Variants in TMEM108 observed in about 807,000 individuals in gnomAD.
TMEM108 encodes cancer/testis antigen 124.
TMEM108 carries 12 observed loss-of-function variants against 35.1 expected under a neutral mutation model. The observed-to-expected ratio is 0.34, with a 90% CI of 0.22 to 0.55. The LOEUF (loss-of-function observed/expected upper bound fraction) is 0.55. Among genes scored for constraint, TMEM108 ranks in the 20% least tolerant of loss-of-function variants. The pLI is 0.89. For missense variants in TMEM108, 680 were observed against 753.3 expected, an observed-to-expected ratio of 0.90 and a Z score of 1.14; for synonymous variants, 287 against 308.6, an observed-to-expected ratio of 0.93 and a Z score of 0.73.
chr3:133,224,490 A>G (rs917493867), intron 2 of TMEM108, among the ~76,000 whole-genome samples: 1 of 152,138 alleles, frequency 6.6e-6, no homozygotes, highest in Non-Finnish European at 1.5e-5. Flanking sequence ...TATAATTCCC[A>G]CATGTTGTGG....
chr3:133,230,042 T>C (rs1004903186), intron 3 of TMEM108, among the ~76,000 whole-genome samples: 9 of 152,206 alleles, frequency 5.9e-5, no homozygotes, highest in Admixed American at 3.3e-4. Flanking sequence ...ATTGGTGGGT[T>C]TGATGTTCCA....
chr3:133,268,089 G>A (rs1946723400), intron 3 of TMEM108, among the ~76,000 whole-genome samples: 1 of 152,216 alleles, frequency 6.6e-6, no homozygotes, highest in African/African-American at 2.4e-5. Flanking sequence ...CATCCTGAAG[G>A]AGCCCAAAGA....
chr3:133,255,651 A>G (rs1356264779), intron 3 of TMEM108, among the ~76,000 whole-genome samples: 2 of 152,176 alleles, frequency 1.3e-5, no homozygotes, highest in Admixed American at 6.5e-5. Flanking sequence ...TCTAGAATGT[A>G]TGAAAGATAT....
At chr3:133,243,179 A>G (rs1418956401) in intron 3 of TMEM108, among the ~76,000 whole-genome samples, 1 of 152,084 alleles carries the variant, frequency 6.6e-6, no homozygotes, top group South Asian at 2.1e-4. Flanking sequence ...GGAGGTCACT[A>G]TGAGGTAGGG....
chr3:133,096,641 G>C (rs537625207), intron 2 of TMEM108, among the ~76,000 whole-genome samples: 1 of 152,110 alleles, frequency 6.6e-6, no homozygotes, highest in African/African-American at 2.4e-5. Context: ...CCTATAATAT[G>C]TATTAAAATA....
intron 2 of TMEM108, among the ~76,000 whole-genome samples, chr3:133,176,745 A>G (rs1184319471): frequency 3.3e-5 from 5 of 152,246 alleles, no homozygotes. Context: ...CCAACATCAC[A>G]ATTAAAAGAA....
intron 2 of TMEM108, among the ~76,000 whole-genome samples, chr3:133,109,370 G>A (rs1944198596): frequency 6.6e-6 from 1 of 152,110 alleles, no homozygotes; most frequent in African/African-American, 2.4e-5. Flanking sequence ...GCTCACGCCT[G>A]TAATCCCAGC....
At chr3:133,064,510 A>T (rs1230966953) in intron 2 of TMEM108, among the ~76,000 whole-genome samples, 3 of 152,170 alleles carry the variant, frequency 2.0e-5, no homozygotes, top group African/African-American at 7.2e-5. Context: ...TTTTATTTCT[A>T]ATTCCCCTTT....
chr3:133,395,351 TTAGA>T (rs1289325491), intron 5 of TMEM108, among the ~76,000 whole-genome samples: 1 of 152,162 alleles, frequency 6.6e-6, no homozygotes, highest in Non-Finnish European at 1.5e-5. Flanking sequence ...GACAGGTCTG[TTAGA>T]TCCTGACAGG....
chr3:133,149,862 G>T (rs1485796984), intron 2 of TMEM108, among the ~76,000 whole-genome samples: 1 of 151,924 alleles, frequency 6.6e-6, no homozygotes, highest in African/African-American at 2.4e-5. Context: ...TATACATAAA[G>T]GAATGCTATT....
At chr3:133,115,543 A>G (rs1944277945) in intron 2 of TMEM108, among the ~76,000 whole-genome samples, 1 of 152,266 alleles carries the variant, frequency 6.6e-6, no homozygotes, top group African/African-American at 2.4e-5. Context: ...AAACCAGGTT[A>G]TCTACTTCCA....
intron 3 of TMEM108, among the ~76,000 whole-genome samples, chr3:133,296,199 T>A (rs1357347352): frequency 1.3e-5 from 2 of 152,202 alleles, no homozygotes; most frequent in African/African-American, 4.8e-5. Flanking sequence ...CTAAAGAATT[T>A]TCCTATATAT....
At chr3:133,385,406 C>T (rs562267283) in intron 4 of TMEM108, among the ~76,000 whole-genome samples, 1 of 152,314 alleles carries the variant, frequency 6.6e-6, no homozygotes, top group East Asian at 1.9e-4. Context: ...ATGGCTTCTC[C>T]CCAAGAGGGC....
rs143708939 is a variant in TMEM108, at chr3:133,139,640, C to G, written c.-46-89626C>G. Among the ~76,000 whole-genome samples the G allele has an allele frequency of 1.4e-3, 217 of 152,280 alleles. 1 individual carries two copies. Among genetic ancestry groups the G allele is most frequent in the African/African-American group, 4.6e-3 (193 of 41,540 alleles). On this transcript the variant is annotated intron_variant, in intron 2 of 5. Coordinates refer to ENST00000321871, the MANE Select transcript of TMEM108 (RefSeq NM_023943.4). ...CGCACAGCTTTAAGCATTTGCCCAG[C>G]CTTGTATACCTTTAGAGATAAGGGG...
chr3:133,279,330 G>A (rs547507587), intron 3 of TMEM108, among the ~76,000 whole-genome samples: 4 of 152,196 alleles, frequency 2.6e-5, no homozygotes, highest in Non-Finnish European at 5.9e-5. Flanking sequence ...AGACCACCAT[G>A]TCTATCATGA....
chr3:133,261,754 A>G (rs1460390445), intron 3 of TMEM108, among the ~76,000 whole-genome samples: 3 of 152,224 alleles, frequency 2.0e-5, no homozygotes, highest in Non-Finnish European at 4.4e-5. Flanking sequence ...GCTTTCTTCA[A>G]ATGTCCTCAC....
intron 2 of TMEM108, chr3:133,124,798 C>G (rs1227869313): frequency 5.3e-5 from 8 of 152,194 alleles, no homozygotes; most frequent in Admixed American, 3.9e-4. Flanking sequence ...AGGAATGTTT[C>G]CCTGATTGGA....
intron 2 of TMEM108, among the ~76,000 whole-genome samples, chr3:133,135,969 TA>T (rs993997026): frequency 4.6e-5 from 7 of 152,130 alleles, no homozygotes; most frequent in East Asian, 1.9e-4. Flanking sequence ...TTTGAGATGT[TA>T]GGGGGGATAT....
At chr3:133,271,165 C>T (rs1001209780) in intron 3 of TMEM108, among the ~76,000 whole-genome samples, 1 of 152,050 alleles carries the variant, frequency 6.6e-6, no homozygotes, top group Non-Finnish European at 1.5e-5. Context: ...CCCAAGGGGC[C>T]AAAATGGACA....
Sources: allele counts gnomAD v4.1 joint callset (sites outside exome capture counted in the v4.1 genomes callset), GRCh38; gene constraint gnomAD v4.1.1; transcripts MANE v1.5; gene names NCBI Gene and HGNC (gene_info 2026-07-23, HGNC 2026-07-21).